The following HMGXB4 variants were observed in gnomAD, a reference collection of about 807,000 sequenced individuals.
HMGXB4 encodes HMG-box containing 4.
HMGXB4 carries 27 observed loss-of-function variants against 63.9 expected under a neutral mutation model. That is an observed-to-expected ratio of 0.42 (90% CI 0.31 to 0.58). The LOEUF is 0.58. Ranked by LOEUF, HMGXB4 falls within the 20% of genes least tolerant of loss-of-function variation. The probability of loss-of-function intolerance (pLI) is 0.13; values close to 1 mark genes in which losing one functional copy is unlikely to be tolerated. For missense variants in HMGXB4, 624 were observed against 700.7 expected, an observed-to-expected ratio of 0.89 and a Z score of 1.24; for synonymous variants, 264 against 265.3, an observed-to-expected ratio of 0.99 and a Z score of 0.05.
intron 9 of HMGXB4, among the ~76,000 whole-genome samples, chr22:35,290,801 A>G (rs1924890959): frequency 6.6e-6 from 1 of 152,150 alleles, no homozygotes; most frequent in South Asian, 2.1e-4. Context: ...TATTTAAATA[A>G]ACTTGTCTGT....
intron 3 of HMGXB4, 60 bp from the exon 4 acceptor site, chr22:35,263,736 T>A: frequency 3.6e-6 from 4 of 1,109,690 alleles, no homozygotes; most frequent in Non-Finnish European, 5.5e-6. Flanking sequence ...AAGACAAGAG[T>A]GGTTACAAAC....
chr22:35,264,946 G>T lies in HMGXB4; in HGVS notation c.558G>T (p.Glu186Asp), dbSNP rs41282603. The change falls in exon 5 of 11, where the codon GAG becomes GAT. Residue 186 changes from glutamate (E) to aspartate (D), a missense_variant. Glu to Asp is a conservative substitution (Grantham distance 45). Around this residue, in one of 2 missense-constraint regions of HMGXB4, gnomAD observed 472 missense variants for 470.6 expected, o/e 1.00. Transcript: ENST00000216106. ...YVNTETLTLREPDGLKMKLIL... is the reference protein window; with the variant it reads ...YVNTETLTLRDPDGLKMKLIL... ...ACACAGAGACACTGACCCTTCGGGA[G>T]CCTGATGGTTTAAAAATGAAACTTA... 1.5e-4 allele frequency: 250 copies of T among 1,614,182 alleles called. No homozygotes were observed. Among genetic ancestry groups the T allele is most frequent in the Middle Eastern group, 6.6e-4 (4 of 6,062 alleles).
chr22:35,254,406 T>TCTTGCTG (rs1922307112), upstream of HMGXB4, among the ~76,000 whole-genome samples: 1 of 152,214 alleles, frequency 6.6e-6, no homozygotes, highest in African/African-American at 2.4e-5. Flanking sequence ...AGGAAGCACT[T>TCTTGCTG]GAATACATTC....
At chr22:35,286,338 G>A (rs958002645) in intron 7 of HMGXB4, among the ~76,000 whole-genome samples, 1 of 152,190 alleles carries the variant, frequency 6.6e-6, no homozygotes, top group African/African-American at 2.4e-5. Flanking sequence ...AGTAATTAAA[G>A]TGTTAAAAGA....
chr22:35,283,621 C>T (rs1924391795), intron 5 of HMGXB4, among the ~76,000 whole-genome samples: 1 of 152,100 alleles, frequency 6.6e-6, no homozygotes, highest in South Asian at 2.1e-4. Flanking sequence ...GAAACCCCAT[C>T]TCTACTAAAA....
At chr22:35,256,215 A>C (rs2146386421), upstream of HMGXB4, among the ~76,000 whole-genome samples, 1 of 152,336 alleles carries the variant, frequency 6.6e-6, no homozygotes, top group African/African-American at 2.4e-5. Flanking sequence ...TGGTCTCATG[A>C]CTACCTCGTC....
chr22:35,259,113 C>G (rs1568993091), intron 1 of HMGXB4, among the ~76,000 whole-genome samples: 1 of 152,188 alleles, frequency 6.6e-6, no homozygotes, highest in Non-Finnish European at 1.5e-5. Context: ...TGCTTATCTA[C>G]CAGGGAAAGA....
Position 35,264,799 on chromosome 22 carries a change from T to G in HMGXB4, c.411T>G (p.Ser137=). The change falls in exon 5 of 11, where the codon TCT becomes TCG. Residue 137 remains serine (S), a synonymous_variant. Transcript: ENST00000216106. ...SKKTGEKSSG[S]SSHSESKKEH... ...AGACTGGGGAGAAATCCTCTGGCTCTTCAAGCCATTCGGAGAGTAAAAAGG... is the reference window on the plus strand; with the variant it reads ...AGACTGGGGAGAAATCCTCTGGCTCGTCAAGCCATTCGGAGAGTAAAAAGG... The G allele has an allele frequency of 6.2e-7, 1 of 1,614,192 alleles. No individual in the cohort carries two copies. The highest frequency in any genetic ancestry group is 8.5e-7 in the Non-Finnish European group (1 of 1,180,044).
At chr22:35,261,525 C>A (rs1244926748) in intron 1 of HMGXB4, among the ~76,000 whole-genome samples, 2 of 150,974 alleles carry the variant, frequency 1.3e-5, no homozygotes, top group Non-Finnish European at 2.9e-5. Flanking sequence ...ACTCAAATGC[C>A]AAAAAAGGTT....
At position 35,294,735 on chromosome 22, in the gene HMGXB4, G is replaced by C. The variant is rs1925159349; in HGVS notation, c.*1084G>C. 6.6e-6 allele frequency: 1 copy of C among 152,000 alleles called. No individual in the cohort carries two copies. Among genetic ancestry groups the C allele is most frequent in the South Asian group, 2.1e-4 (1 of 4,808 alleles). 9.4% of individuals were successfully genotyped at this position (152,000 alleles called of 1,614,324 possible). A position where few individuals can be genotyped will look rare whatever the true frequency, so the allele number is the denominator to read the frequency against. ...TTTCTGTATATATAATTTAATAACA[G>C]AAGCCTCCACCAGCAACAGCATGTG... On this transcript the variant is annotated 3_prime_UTR_variant, in exon 11 of 11. Transcript: ENST00000216106.
In HMGXB4 at chr22:35,265,559, A is replaced by G. The variant is rs1366795088; in HGVS notation, c.1171A>G (p.Lys391Glu). 3 of 1,592,416 alleles carry G rather than the reference A, an allele frequency of 1.9e-6. No individual in the cohort carries two copies. The highest frequency in any genetic ancestry group is 2.6e-6 in the Non-Finnish European group (3 of 1,173,472). ...CACAGATGGGCATAGTGAAAAAAAA[A>G]AGAAAAAAGAAGAGAAGGACAAAGA... ...LHTDGHSEKK[K>E]KKEEKDKERE... The change falls in exon 5 of 11, where the codon AAG becomes GAG. Residue 391 changes from lysine (K) to glutamate (E), a missense_variant. By Grantham distance (56) the Lys-to-Glu change is moderately conservative (BLOSUM62 1). This residue lies in a region of HMGXB4 where 472 missense variants were observed against 470.6 expected (regional missense o/e 1.00). Coordinates refer to ENST00000216106, the MANE Select transcript of HMGXB4 (RefSeq NM_001003681.3).
At chr22:35,253,132 C>CAAAAAAA (rs554912249), upstream of HMGXB4, among the ~76,000 whole-genome samples, 14 of 96,554 alleles carry the variant, frequency 1.4e-4, no homozygotes, top group East Asian at 3.0e-4. Context: ...AACTCCATCT[C>CAAAAAAA]AAAAAAAAAA....
intron 5 of HMGXB4, among the ~76,000 whole-genome samples, chr22:35,274,493 C>T (rs1251243149): frequency 6.6e-6 from 1 of 152,208 alleles, no homozygotes; most frequent in African/African-American, 2.4e-5. Context: ...CTCGTATGTT[C>T]TAGGCACTAC....
At chr22:35,253,773 G>A (rs759556036), upstream of HMGXB4, among the ~76,000 whole-genome samples, 71 of 152,284 alleles carry the variant, frequency 4.7e-4, no homozygotes, top group Non-Finnish European at 6.8e-4. Context: ...GGAAGGATTT[G>A]AATCCCCGGA....
chr22:35,252,827 C>A (rs938846434), upstream of HMGXB4, among the ~76,000 whole-genome samples: 1 of 152,164 alleles, frequency 6.6e-6, no homozygotes, highest in African/African-American at 2.4e-5. Context: ...CATGGAGAAA[C>A]CCCATCTCTA....
chr22:35,270,252 C>G (rs531575576), intron 5 of HMGXB4, among the ~76,000 whole-genome samples: 1 of 152,082 alleles, frequency 6.6e-6, no homozygotes, highest in South Asian at 2.1e-4. Context: ...AGATTAGCAG[C>G]GGCATTAGAT....
At chr22:35,260,276 A>G (rs1922764369) in intron 1 of HMGXB4, among the ~76,000 whole-genome samples, 1 of 152,242 alleles carries the variant, frequency 6.6e-6, no homozygotes, top group Non-Finnish European at 1.5e-5. Flanking sequence ...GTTTAATTTG[A>G]GGTCTCCATT....
At chr22:35,253,400 A>C (rs1486598901), upstream of HMGXB4, among the ~76,000 whole-genome samples, 2 of 152,200 alleles carry the variant, frequency 1.3e-5, no homozygotes, top group Non-Finnish European at 2.9e-5. Flanking sequence ...GAAGATAATA[A>C]GTTGCTCAAA....
In HMGXB4 at chr22:35,264,751, A is replaced by G; in HGVS notation, c.363A>G (p.Ala121=). 4 of 1,614,224 alleles carry G rather than the reference A, an allele frequency of 2.5e-6. No individual in the cohort carries two copies. ...DLLKAITSPL[A]AGSKPSKKTG... ...TGAAAGCTATCACTTCCCCACTGGCAGCAGGCTCCAAGCCCTCCAAAAAGA... is the reference window on the plus strand; with the variant it reads ...TGAAAGCTATCACTTCCCCACTGGCGGCAGGCTCCAAGCCCTCCAAAAAGA... The change falls in exon 5 of 11, where the codon GCA becomes GCG. Residue 121 remains alanine (A), a synonymous_variant. Transcript: ENST00000216106.
Sources: allele counts gnomAD v4.1 joint callset (sites outside exome capture counted in the v4.1 genomes callset), GRCh38; gene constraint gnomAD v4.1.1; regional missense constraint gnomAD v4.1.1; transcripts MANE v1.5; gene names NCBI Gene and HGNC (gene_info 2026-07-23, HGNC 2026-07-21).